Variants in IL7 observed in about 807,000 individuals in gnomAD.
IL7 encodes interleukin-7.
A neutral mutation model predicts 21.6 loss-of-function variants in IL7; 3 were observed. That is an observed-to-expected ratio of 0.14 (90% confidence interval 0.06 to 0.36). IL7 has a LOEUF of 0.36. Among genes scored for constraint, IL7 ranks in the 10% least tolerant of loss-of-function variants. The pLI, the probability that IL7 is intolerant of heterozygous loss-of-function variation, is 1.00. For synonymous variants in IL7, 62 were observed against 68.1 expected, an observed-to-expected ratio of 0.91 and a Z score of 0.44; for missense variants, 175 against 200.2, an observed-to-expected ratio of 0.87 and a Z score of 0.76.
chr8:78,709,719 T>TA (rs762270772), intron 3 of IL7, among the ~76,000 whole-genome samples: 178 of 130,434 alleles, frequency 1.4e-3, no homozygotes, highest in Admixed American at 1.5e-3. Flanking sequence ...GCTGATGAAC[T>TA]AAAAAAAAAA....
chr8:78,795,892 T>C (rs1359562139), intron 2 of IL7, among the ~76,000 whole-genome samples: 2 of 152,032 alleles, frequency 1.3e-5, no homozygotes, highest in African/African-American at 2.4e-5. Context: ...TTAGTTTCCA[T>C]ATTCCTACAA....
chr8:78,752,480 C>T (rs1000052177), intron 2 of IL7, among the ~76,000 whole-genome samples: 7 of 152,136 alleles, frequency 4.6e-5, no homozygotes, highest in African/African-American at 1.7e-4. Context: ...GGTGTGATAG[C>T]TCATTGTGGT....
chr8:78,713,587 G>C (rs1421504190), downstream of IL7, among the ~76,000 whole-genome samples: 1 of 152,148 alleles, frequency 6.6e-6, no homozygotes, highest in Non-Finnish European at 1.5e-5. Context: ...ATACACAAGA[G>C]TAGAGTAAAC....
intron 2 of IL7, among the ~76,000 whole-genome samples, chr8:78,776,602 A>G (rs1479604025): frequency 6.6e-6 from 1 of 152,078 alleles, no homozygotes; most frequent in Non-Finnish European, 1.5e-5. Context: ...AGGATGTGAG[A>G]TAGGAAATTT....
Position 78,760,860 on chromosome 8 carries a change from C to T in IL7, c.148-20778G>A, listed in dbSNP as rs547201165. ...TAAACTTCAATATTTTCCATCACTTCGTTGAGTGAATGCAGTACTGCAGTC... is the reference window on the plus strand; with the variant it reads ...TAAACTTCAATATTTTCCATCACTTTGTTGAGTGAATGCAGTACTGCAGTC... On this transcript the variant is annotated intron_variant, in intron 2 of 5. Transcript: ENST00000263851. 1.2e-5 allele frequency: 18 copies of T among 1,560,184 alleles called. No individual in the cohort carries two copies. In the South Asian group the frequency reaches 1.6e-4, roughly 14 times the overall value.
chr8:78,713,800 A>G (rs922232085), downstream of IL7, among the ~76,000 whole-genome samples: 1 of 152,218 alleles, frequency 6.6e-6, no homozygotes, highest in Admixed American at 6.5e-5. Context: ...CTGGCCACGT[A>G]GTAGCCTCAC....
intron 3 of IL7, among the ~76,000 whole-genome samples, chr8:78,739,691 C>CA (rs1218578846): frequency 0.023 from 2,276 of 97,034 alleles, 38 homozygotes; most frequent in African/African-American, 0.026. Context: ...ACTCTGCCTC[C>CA]AAAAAAAAAA....
chr8:78,681,714 T>C (rs1809785319), intron 4 of IL7, among the ~76,000 whole-genome samples: 2 of 152,140 alleles, frequency 1.3e-5, no homozygotes, highest in Non-Finnish European at 2.9e-5. Flanking sequence ...CTAAAATAAA[T>C]GACATTTTGA....
At chr8:78,687,413 C>A (rs1029777034) in intron 3 of IL7, among the ~76,000 whole-genome samples, 2 of 147,312 alleles carry the variant, frequency 1.4e-5, no homozygotes, top group Non-Finnish European at 3.0e-5. Flanking sequence ...ATTTTATATG[C>A]CATAAGGTTT....
downstream of IL7, among the ~76,000 whole-genome samples, chr8:78,716,159 G>T (rs1313378964): frequency 6.7e-6 from 1 of 149,366 alleles, no homozygotes; most frequent in African/African-American, 2.5e-5. Context: ...GTCTCGCTCT[G>T]TCGCTCAGGC....
rs569364658 is a variant in IL7, at chr8:78,700,970, G to C, written n.215-15023C>G. 3.3e-5 allele frequency among the ~76,000 whole-genome samples: 5 copies of C among 152,194 alleles called. No individual in the cohort carries two copies. In the South Asian group the frequency reaches 6.2e-4, roughly 19 times the overall value. ...TTTTTGCTTAGAATTACCTTGGCTA[G>C]TTTGACTCATTTTTTATTCTATATT... is the stretch of plus-strand genomic sequence containing the variant. On this transcript the variant is annotated intron_variant and non_coding_transcript_variant, in intron 3 of 4. Transcript: ENST00000523959.
intron 3 of IL7, among the ~76,000 whole-genome samples, chr8:78,722,304 G>A (rs1038010411): frequency 6.6e-6 from 1 of 151,888 alleles, no homozygotes; most frequent in African/African-American, 2.4e-5. Context: ...TATAAAAGCT[G>A]TATTGCTGAA....
At chr8:78,724,722 A>G (rs1041465024) in intron 3 of IL7, among the ~76,000 whole-genome samples, 4 of 152,070 alleles carry the variant, frequency 2.6e-5, no homozygotes, top group African/African-American at 7.2e-5. Context: ...AGCAACTTGT[A>G]TGCTAGAGTA....
At chr8:78,735,097 C>T (rs1395371106) in intron 5 of IL7, among the ~76,000 whole-genome samples, 1 of 151,404 alleles carries the variant, frequency 6.6e-6, no homozygotes, top group African/African-American at 2.4e-5. Flanking sequence ...AATAGGGGGT[C>T]CTGGACAATT....
chr8:78,705,011 T>C (rs1468199922), intron 3 of IL7, among the ~76,000 whole-genome samples: 3 of 152,250 alleles, frequency 2.0e-5, no homozygotes, highest in Admixed American at 2.0e-4. Flanking sequence ...TGTTTTATCA[T>C]GATTTTTAGC....
At chr8:78,735,280 T>C (rs1450607071) in intron 5 of IL7, among the ~76,000 whole-genome samples, 4 of 130,154 alleles carry the variant, frequency 3.1e-5, no homozygotes, top group Non-Finnish European at 6.4e-5. Flanking sequence ...TCTTTTCTTT[T>C]TTTTTTTTTT....
At chr8:78,755,960 T>G (rs1812332652) in intron 2 of IL7, among the ~76,000 whole-genome samples, 1 of 152,126 alleles carries the variant, frequency 6.6e-6, no homozygotes, top group South Asian at 2.1e-4. Flanking sequence ...ATGATAGCTG[T>G]GGGTTAATAA....
intron 3 of IL7, among the ~76,000 whole-genome samples, chr8:78,705,351 G>T (rs1441957509): frequency 6.6e-6 from 1 of 152,138 alleles, no homozygotes; most frequent in South Asian, 2.1e-4. Flanking sequence ...TGTATGCTGG[G>T]TGTCCACTCC....
At chr8:78,737,155 GAGAA>G (rs1176627014) in intron 4 of IL7, among the ~76,000 whole-genome samples, 8 of 152,064 alleles carry the variant, frequency 5.3e-5, no homozygotes, top group Admixed American at 5.2e-4. Context: ...CAATACATAA[GAGAA>G]AGAATCACAA....
Sources: gnomAD v4.1 joint callset for allele counts (sites outside exome capture counted in the v4.1 genomes callset) on GRCh38, gnomAD v4.1.1 for gene constraint, MANE v1.5 for transcripts, NCBI Gene and HGNC (gene_info 2026-07-23, HGNC 2026-07-21) for gene names.